The following SGCZ variants were observed in gnomAD, a reference collection of about 807,000 sequenced individuals.
The protein encoded by SGCZ is zeta-sarcoglycan.
In SGCZ, 40 loss-of-function variants were observed where a neutral mutation model predicts 41.3. The ratio of observed to expected loss-of-function variants is 0.97; its 90% CI spans 0.75 to 1.26. SGCZ has a LOEUF of 1.26. Among genes scored for constraint, SGCZ ranks in the 50% most tolerant of loss-of-function variants. SGCZ has a pLI of 0.00. For synonymous variants in SGCZ, 206 were observed against 137.5 expected, an observed-to-expected ratio of 1.50 and a Z score of -3.49; for missense variants, 552 against 369.8, an observed-to-expected ratio of 1.49 and a Z score of -4.04.
intron 1 of SGCZ, among the ~76,000 whole-genome samples, chr8:14,802,746 C>A (rs1801363702): frequency 6.6e-6 from 1 of 152,086 alleles, no homozygotes; most frequent in Non-Finnish European, 1.5e-5. Context: ...TTGTGGAGCC[C>A]TAAGGAGTTA....
At chr8:14,625,425 T>G (rs1232170348) in intron 1 of SGCZ, among the ~76,000 whole-genome samples, 1 of 152,190 alleles carries the variant, frequency 6.6e-6, no homozygotes, top group East Asian at 1.9e-4. Context: ...GCAGAATATA[T>G]ATTTTATGAT....
At chr8:14,397,865 G>A (rs1798963929) in intron 2 of SGCZ, among the ~76,000 whole-genome samples, 1 of 152,104 alleles carries the variant, frequency 6.6e-6, no homozygotes, top group African/African-American at 2.4e-5. Context: ...CAGAGCCATG[G>A]ACACTTAAGT....
intron 1 of SGCZ, among the ~76,000 whole-genome samples, chr8:15,132,220 G>C (rs1807934786): frequency 6.6e-6 from 1 of 152,108 alleles, no homozygotes; most frequent in South Asian, 2.1e-4. Context: ...AGATTTAAAA[G>C]TGATTGGAAA....
intron 1 of SGCZ, among the ~76,000 whole-genome samples, chr8:14,860,572 AAAG>A (rs1263920290): frequency 1.3e-5 from 2 of 151,590 alleles, no homozygotes; most frequent in East Asian, 1.9e-4. Context: ...GAAAGAAAGA[AAAG>A]AAAAAGAAAG....
chr8:15,129,582 TTTC>T (rs1807823507), intron 1 of SGCZ, among the ~76,000 whole-genome samples: 1 of 152,022 alleles, frequency 6.6e-6, no homozygotes, highest in Non-Finnish European at 1.5e-5. Flanking sequence ...CTGGAAAATG[TTTC>T]TTATTACTTG....
At chr8:14,971,328 C>T (rs952617765) in intron 1 of SGCZ, among the ~76,000 whole-genome samples, 3 of 151,920 alleles carry the variant, frequency 2.0e-5, no homozygotes, top group Admixed American at 6.6e-5. Flanking sequence ...ATAATAGGAG[C>T]GAATATCCTT....
chr8:14,828,023 G>C (rs968059855), intron 1 of SGCZ, among the ~76,000 whole-genome samples: 3 of 152,166 alleles, frequency 2.0e-5, no homozygotes, highest in Admixed American at 6.5e-5. Context: ...TGTCTGACAG[G>C]ACCTCAACTG....
intron 1 of SGCZ, among the ~76,000 whole-genome samples, chr8:15,020,026 T>C (rs899012574): frequency 6.6e-6 from 1 of 152,016 alleles, no homozygotes; most frequent in South Asian, 2.1e-4. Context: ...ATATATTTTA[T>C]GAGCATTTAG....
chr8:15,055,954 T>C (rs1804687311), intron 1 of SGCZ, among the ~76,000 whole-genome samples: 1 of 152,206 alleles, frequency 6.6e-6, no homozygotes. Flanking sequence ...CTAAACTTAA[T>C]AGCAAACTTC....
At chr8:14,141,377 G>C (rs1438424000) in intron 5 of SGCZ, among the ~76,000 whole-genome samples, 17 of 152,138 alleles carry the variant, frequency 1.1e-4, no homozygotes, top group Admixed American at 1.1e-3. Context: ...AGAGTGAAAA[G>C]GCAACCTACA....
At chr8:14,402,797 TTAAAG>T (rs1308813925) in intron 2 of SGCZ, among the ~76,000 whole-genome samples, 1 of 148,638 alleles carries the variant, frequency 6.7e-6, no homozygotes, top group Non-Finnish European at 1.5e-5. Flanking sequence ...CATATGAACT[TTAAAG>T]TAGTTTTTTC....
chr8:14,651,865 T>A (rs7816089), intron 1 of SGCZ, among the ~76,000 whole-genome samples: 1 of 151,806 alleles, frequency 6.6e-6, no homozygotes, highest in Non-Finnish European at 1.5e-5. Context: ...TTCTGACATA[T>A]ATTTTCAGAA....
At chr8:14,386,802 G>T (rs1057440548) in intron 2 of SGCZ, among the ~76,000 whole-genome samples, 3 of 152,102 alleles carry the variant, frequency 2.0e-5, no homozygotes, top group African/African-American at 4.8e-5. Flanking sequence ...GACAGAATTA[G>T]ACAAGAAAAA....
chr8:14,399,093 T>C (rs778466704), intron 2 of SGCZ, among the ~76,000 whole-genome samples: 2 of 152,142 alleles, frequency 1.3e-5, no homozygotes, highest in Non-Finnish European at 2.9e-5. Context: ...ATCATTATTA[T>C]TTTGAGAGCT....
chr8:15,070,394 C>T (rs775175808), intron 1 of SGCZ, among the ~76,000 whole-genome samples: 6 of 152,088 alleles, frequency 3.9e-5, no homozygotes, highest in Non-Finnish European at 7.4e-5. Flanking sequence ...TGATAATATG[C>T]AACTGACACT....
intron 2 of SGCZ, among the ~76,000 whole-genome samples, chr8:14,447,803 T>A (rs1311053597): frequency 6.6e-6 from 1 of 152,182 alleles, no homozygotes; most frequent in Non-Finnish European, 1.5e-5. Flanking sequence ...AATAAATGAC[T>A]TTGCATTGTT....
chr8:15,163,900 G>A (rs974146774), intron 1 of SGCZ, among the ~76,000 whole-genome samples: 1 of 152,192 alleles, frequency 6.6e-6, no homozygotes, highest in Non-Finnish European at 1.5e-5. Flanking sequence ...TGTCCTCAGA[G>A]AAACTCCAGC....
chr8:14,606,158 G>A (rs1430341825), intron 1 of SGCZ, among the ~76,000 whole-genome samples: 1 of 151,630 alleles, frequency 6.6e-6, no homozygotes, highest in Non-Finnish European at 1.5e-5. Flanking sequence ...TGCTAAAATA[G>A]TCTTTTTATT....
chr8:14,369,680 T>G lies in SGCZ; in HGVS notation c.235-45476A>C, dbSNP rs138792742. On this transcript the variant is annotated intron_variant, in intron 2 of 7. Coordinates refer to ENST00000382080, the MANE Select transcript of SGCZ (RefSeq NM_139167.4). ...ATTAATGATTGTTCTTTTAATTAAG[T>G]AATCAAGTATGTTACAAAAAGTAAT... 5.0e-3 allele frequency among the ~76,000 whole-genome samples: 767 copies of G among 152,170 alleles called. 7 individuals carry two copies. Among genetic ancestry groups the G allele is most frequent in the Non-Finnish European group, 8.7e-3 (592 of 67,934 alleles).
Sources: allele counts gnomAD v4.1 joint callset (sites outside exome capture counted in the v4.1 genomes callset), GRCh38; gene constraint gnomAD v4.1.1; transcripts MANE v1.5; gene names NCBI Gene and HGNC (gene_info 2026-07-23, HGNC 2026-07-21).